The following DHRSX variants were observed in gnomAD, a reference collection of about 807,000 sequenced individuals.
DHRSX encodes dehydrogenase/reductase X-linked, also known as polyprenol dehydrogenase.
In DHRSX, 31 loss-of-function variants were observed where a neutral mutation model predicts 34.0. That is an observed-to-expected ratio of 0.91 (90% CI 0.69 to 1.23). DHRSX has a LOEUF of 1.23. DHRSX is among the 50% of genes most tolerant of loss of function. DHRSX has a pLI of 0.00. For synonymous variants in DHRSX, 201 were observed against 183.8 expected, an observed-to-expected ratio of 1.09 and a Z score of -0.76; for missense variants, 414 against 428.1, an observed-to-expected ratio of 0.97 and a Z score of 0.29.
intron 2 of DHRSX, among the ~76,000 whole-genome samples, chrX:2,409,691 G>A (rs1283561756): frequency 6.6e-6 from 1 of 151,976 alleles, no homozygotes; most frequent in African/African-American, 2.4e-5. Flanking sequence ...GGAAATCCGG[G>A]GTGAAAGAAT....
chrX:2,477,130 A>G (rs2044692219), intron 1 of DHRSX, among the ~76,000 whole-genome samples: 1 of 152,214 alleles, frequency 6.6e-6, no homozygotes, highest in Non-Finnish European at 1.5e-5. Flanking sequence ...CGATGCCAAC[A>G]TGAGTGTGAG....
At chrX:2,417,919 T>C (rs2043716824) in intron 2 of DHRSX, among the ~76,000 whole-genome samples, 1 of 151,618 alleles carries the variant, frequency 6.6e-6, no homozygotes, top group South Asian at 2.1e-4. Flanking sequence ...CTAACCAAAC[T>C]GTACCTTACC....
At chrX:2,369,077 C>T (rs2043027037) in intron 3 of DHRSX, among the ~76,000 whole-genome samples, 1 of 152,168 alleles carries the variant, frequency 6.6e-6, no homozygotes, top group South Asian at 2.1e-4. Context: ...AGAAGCAAAC[C>T]TACCACACCC....
chrX:2,243,478 TTTTATTTA>T (rs891844379), intron 5 of DHRSX, among the ~76,000 whole-genome samples: 1 of 152,012 alleles, frequency 6.6e-6, no homozygotes, highest in South Asian at 2.1e-4. Flanking sequence ...GTTACTAATT[TTTTATTTA>T]TTTATTTATT....
chrX:2,352,689 G>A (rs1292380777), intron 3 of DHRSX, among the ~76,000 whole-genome samples: 3 of 152,074 alleles, frequency 2.0e-5, no homozygotes, highest in South Asian at 4.1e-4. Context: ...ACGTTTCGGC[G>A]TCTTCAGGGG....
chrX:2,285,061 A>C (rs747938328), intron 4 of DHRSX, among the ~76,000 whole-genome samples: 1 of 152,170 alleles, frequency 6.6e-6, no homozygotes, highest in African/African-American at 2.4e-5. Context: ...TTAGGGCAGC[A>C]GTCTCCAACC....
rs762236351 is a variant in DHRSX, at chrX:2,274,079, C to G, written c.389-7132G>C. ...TTGAGGTAAACTCTTGCTGTGTCAC[C>G]CAGACTGGAGTGCAGTGTTGTGATG... is the stretch of plus-strand genomic sequence containing the variant. On this transcript the variant is annotated intron_variant, in intron 4 of 6. Coordinates refer to ENST00000334651, the MANE Select transcript of DHRSX (RefSeq NM_145177.3). 1.1e-4 allele frequency among the ~76,000 whole-genome samples: 16 copies of G among 152,146 alleles called. No individual in the cohort carries two copies. In the East Asian group the frequency reaches 3.1e-3, roughly 29 times the overall value.
chrX:2,282,797 AAG>A (rs1210951993), intron 4 of DHRSX, among the ~76,000 whole-genome samples: 43 of 94,150 alleles, frequency 4.6e-4, no homozygotes, highest in African/African-American at 8.2e-4. Context: ...AGAGAGAAGA[AAG>A]AGAGAAGAGA....
chrX:2,344,913 A>ATATG (rs1569491597), intron 3 of DHRSX, among the ~76,000 whole-genome samples: 1 of 106,892 alleles, frequency 9.4e-6, no homozygotes, highest in Non-Finnish European at 2.0e-5. Flanking sequence ...ATATATATAT[A>ATATG]TACTGTATTT....
At chrX:2,319,372 G>A (rs1328293360) in intron 3 of DHRSX, among the ~76,000 whole-genome samples, 4 of 151,622 alleles carry the variant, frequency 2.6e-5, no homozygotes, top group East Asian at 1.9e-4. Flanking sequence ...GTGAAACCCC[G>A]TCTCTACTAA....
At chrX:2,232,055 CTCTG>C (rs2015906399) in intron 6 of DHRSX, among the ~76,000 whole-genome samples, 1 of 79,676 alleles carries the variant, frequency 1.3e-5, no homozygotes, top group Non-Finnish European at 2.3e-5. Context: ...CTTTCTATCC[CTCTG>C]TCTTCCTCCT....
chrX:2,244,325 C>T (rs1404609489), intron 5 of DHRSX, among the ~76,000 whole-genome samples: 4 of 149,422 alleles, frequency 2.7e-5, no homozygotes, highest in Non-Finnish European at 6.0e-5. Context: ...CTCTGGTAAC[C>T]TCAATCACCA....
At chrX:2,437,978 C>G in intron 1 of DHRSX, among the ~76,000 whole-genome samples, 2 of 148,778 alleles carry the variant, frequency 1.3e-5, no homozygotes, top group Middle Eastern at 6.8e-3. Context: ...GAAGGCTTCA[C>G]GAGCCTGTGT....
chrX:2,250,161 C>CAA (rs1036532155), intron 5 of DHRSX, among the ~76,000 whole-genome samples: 15,248 of 101,314 alleles, frequency 0.15, 1,501 homozygotes, highest in Non-Finnish European at 0.19. Flanking sequence ...GACTCCATCT[C>CAA]AAAAAAAAAA....
At chrX:2,349,681 A>G (rs189338908) in intron 3 of DHRSX, among the ~76,000 whole-genome samples, 6 of 147,200 alleles carry the variant, frequency 4.1e-5, no homozygotes, top group African/African-American at 1.5e-4. Flanking sequence ...AGTGACACTC[A>G]GTCTCAAAGA....
chrX:2,494,191 T>C (rs2045227638), intron 1 of DHRSX, among the ~76,000 whole-genome samples: 2 of 152,024 alleles, frequency 1.3e-5, no homozygotes, highest in Middle Eastern at 3.2e-3. Context: ...GGCCAAGGTT[T>C]ATATTCTATT....
chrX:2,259,671 C>T (rs960879662), intron 5 of DHRSX, among the ~76,000 whole-genome samples: 4 of 152,102 alleles, frequency 2.6e-5, no homozygotes, highest in African/African-American at 9.7e-5. Context: ...TGGACAGGGT[C>T]GTGCTCTCTC....
At chrX:2,245,631 T>G (rs2124431042) in intron 5 of DHRSX, among the ~76,000 whole-genome samples, 1 of 150,234 alleles carries the variant, frequency 6.7e-6, no homozygotes, top group South Asian at 2.1e-4. Flanking sequence ...TTACATATAT[T>G]GATTGATGTC....
intron 1 of DHRSX, among the ~76,000 whole-genome samples, chrX:2,470,970 T>C (rs1032613553): frequency 6.6e-6 from 1 of 152,230 alleles, no homozygotes; most frequent in Non-Finnish European, 1.5e-5. Context: ...AGCCTGATTA[T>C]TAATATGTTA....
Sources: allele counts gnomAD v4.1 joint callset (sites outside exome capture counted in the v4.1 genomes callset), GRCh38; gene constraint gnomAD v4.1.1; transcripts MANE v1.5; gene names NCBI Gene and HGNC (gene_info 2026-07-23, HGNC 2026-07-21).